Variants in VPS13B observed in about 807,000 individuals in gnomAD.
VPS13B encodes the protein intermembrane lipid transfer protein VPS13B.
A neutral mutation model predicts 426.4 loss-of-function variants in VPS13B; 285 were observed. The ratio of observed to expected loss-of-function variants is 0.67; its 90% CI spans 0.61 to 0.74. The LOEUF (loss-of-function observed/expected upper bound fraction) is 0.74. VPS13B is among the 30% of genes least tolerant of loss of function. VPS13B has a pLI of 0.00. For synonymous variants in VPS13B, 1,676 were observed against 1,676.4 expected (o/e 1.00, Z 0.01); for missense variants, 4,537 against 4,782.6 (o/e 0.95, Z 1.51).
intron 19 of VPS13B, among the ~76,000 whole-genome samples, chr8:99,371,477 T>C (rs569781980): frequency 1.3e-5 from 2 of 152,346 alleles, no homozygotes; most frequent in South Asian, 2.1e-4. Context: ...CAGGCTGTTT[T>C]GGTTACTGTA....
At chr8:99,363,475 T>C (rs1312672374) in intron 19 of VPS13B, among the ~76,000 whole-genome samples, 1 of 152,158 alleles carries the variant, frequency 6.6e-6, no homozygotes, top group East Asian at 1.9e-4. Flanking sequence ...TCCATATTAT[T>C]TTTAGGATAA....
intron 24 of VPS13B, among the ~76,000 whole-genome samples, chr8:99,476,357 A>G (rs536684250): frequency 6.6e-6 from 1 of 151,922 alleles, no homozygotes; most frequent in Non-Finnish European, 1.5e-5. Flanking sequence ...GCTTTAGCTT[A>G]TGCTTCCAGA....
At chr8:99,450,865 A>T (rs1818162706) in intron 23 of VPS13B, among the ~76,000 whole-genome samples, 1 of 152,124 alleles carries the variant, frequency 6.6e-6, no homozygotes, top group South Asian at 2.1e-4. Flanking sequence ...AATTATTTAG[A>T]TTCATGATGG....
chr8:99,483,298 T>C (rs1466705399), intron 25 of VPS13B, among the ~76,000 whole-genome samples: 5 of 152,084 alleles, frequency 3.3e-5, no homozygotes, highest in Non-Finnish European at 7.4e-5. Flanking sequence ...TCTTCCCAAA[T>C]GAGGAAGCGA....
At chr8:99,284,611 G>T (rs1819336769) in intron 19 of VPS13B, among the ~76,000 whole-genome samples, 1 of 151,842 alleles carries the variant, frequency 6.6e-6, no homozygotes. Flanking sequence ...CATCCAGGAA[G>T]GAGTGCAGTG....
chr8:99,175,265 A>G (rs1381015248), intron 16 of VPS13B, among the ~76,000 whole-genome samples: 3 of 152,252 alleles, frequency 2.0e-5, no homozygotes, highest in Non-Finnish European at 2.9e-5. Context: ...TACAGCTTGA[A>G]CAACATGGGC....
intron 39 of VPS13B, among the ~76,000 whole-genome samples, chr8:99,734,433 A>T (rs1833735770): frequency 6.6e-6 from 1 of 152,214 alleles, no homozygotes; most frequent in African/African-American, 2.4e-5. Context: ...CTTAAAATCT[A>T]AGCTTCATGA....
At chr8:99,487,451 AT>A (rs1201331161) in intron 25 of VPS13B, among the ~76,000 whole-genome samples, 4 of 152,296 alleles carry the variant, frequency 2.6e-5, no homozygotes, top group East Asian at 1.9e-4. Flanking sequence ...TGGTAAAAAA[AT>A]ATACATGGTA....
At chr8:99,191,877 G>A (rs1006947977) in intron 16 of VPS13B, among the ~76,000 whole-genome samples, 1 of 152,106 alleles carries the variant, frequency 6.6e-6, no homozygotes, top group African/African-American at 2.4e-5. Context: ...CATTGAATTG[G>A]TCTCCATAGC....
chr8:99,456,716 A>G (rs188542830), intron 23 of VPS13B, among the ~76,000 whole-genome samples: 22 of 152,144 alleles, frequency 1.4e-4, no homozygotes, highest in Non-Finnish European at 3.1e-4. Context: ...TTTTTAAAGG[A>G]TTTCTGTATC....
intron 25 of VPS13B, among the ~76,000 whole-genome samples, chr8:99,494,142 G>T (rs1374310664): frequency 6.6e-6 from 1 of 151,528 alleles, no homozygotes; most frequent in Non-Finnish European, 1.5e-5. Context: ...TTTTTTTGTT[G>T]TGGTACAATA....
chr8:99,761,295 C>A (rs1810918687), intron 39 of VPS13B, among the ~76,000 whole-genome samples: 2 of 152,214 alleles, frequency 1.3e-5, no homozygotes, highest in Admixed American at 1.3e-4. Context: ...TATGTAACTA[C>A]AGAGCCAGCC....
intron 39 of VPS13B, among the ~76,000 whole-genome samples, chr8:99,766,000 A>G (rs1811198445): frequency 6.7e-6 from 1 of 149,508 alleles, no homozygotes; most frequent in Admixed American, 6.6e-5. Context: ...TTACCAAGTG[A>G]CTAGTTAGTT....
At chr8:99,425,100 G>C (rs1358239644) in intron 21 of VPS13B, among the ~76,000 whole-genome samples, 2 of 152,100 alleles carry the variant, frequency 1.3e-5, no homozygotes, top group African/African-American at 4.8e-5. Context: ...AAAAGTCCAG[G>C]ACCAGGTGGA....
intron 23 of VPS13B, among the ~76,000 whole-genome samples, chr8:99,453,980 T>A (rs1369646464): frequency 6.6e-6 from 1 of 152,160 alleles, no homozygotes; most frequent in Non-Finnish European, 1.5e-5. Context: ...GTATCATGCA[T>A]AATATTTTTA....
chr8:99,173,167 A>G (rs1485318715), intron 16 of VPS13B, among the ~76,000 whole-genome samples: 1 of 152,156 alleles, frequency 6.6e-6, no homozygotes, highest in Non-Finnish European at 1.5e-5. Context: ...TGAACAGATC[A>G]TTTGCAGGGG....
intron 19 of VPS13B, among the ~76,000 whole-genome samples, chr8:99,306,344 G>T (rs971681038): frequency 6.6e-6 from 1 of 151,958 alleles, no homozygotes; most frequent in Non-Finnish European, 1.5e-5. Context: ...TGAGGTAGAG[G>T]TTATATGTTT....
chr8:99,465,956 G>A (rs180809190), intron 23 of VPS13B, among the ~76,000 whole-genome samples: 4 of 152,006 alleles, frequency 2.6e-5, no homozygotes, highest in Non-Finnish European at 5.9e-5. Flanking sequence ...AACTATATTT[G>A]GTCAAGACAT....
At chr8:99,515,655 A>G (rs72674639) in intron 29 of VPS13B, among the ~76,000 whole-genome samples, 1 of 152,060 alleles carries the variant, frequency 6.6e-6, no homozygotes, top group Non-Finnish European at 1.5e-5. Flanking sequence ...TTTAGCAACA[A>G]ACAACTTTTT....
Sources: allele counts gnomAD v4.1 joint callset (sites outside exome capture counted in the v4.1 genomes callset), GRCh38; gene constraint gnomAD v4.1.1; transcripts MANE v1.5; gene names NCBI Gene and HGNC (gene_info 2026-07-23, HGNC 2026-07-21).